The following ZNF474 variants were observed in gnomAD, a reference collection of about 807,000 sequenced individuals.
ZNF474 encodes zinc finger protein 474.
For missense variants in ZNF474, 511 were observed against 433.8 expected, an observed-to-expected ratio of 1.18 and a Z score of -1.58; for synonymous variants, 192 against 162.2, an observed-to-expected ratio of 1.18 and a Z score of -1.39.
At chr5:122,141,155 ATT>A (rs1430043348) in intron 1 of ZNF474, among the ~76,000 whole-genome samples, 1 of 30,504 alleles carries the variant, frequency 3.3e-5, no homozygotes, top group African/African-American at 5.5e-5. Flanking sequence ...ATTTTATTTT[ATT>A]TTATTTTATT....
At chr5:122,149,115 G>T (rs560987943) in intron 1 of ZNF474, among the ~76,000 whole-genome samples, 1 of 152,090 alleles carries the variant, frequency 6.6e-6, no homozygotes, top group Non-Finnish European at 1.5e-5. Flanking sequence ...TCAAGTACAC[G>T]TGGGCATAAA....
intron 1 of ZNF474, among the ~76,000 whole-genome samples, chr5:122,142,770 A>G (rs1006232123): frequency 2.0e-5 from 3 of 152,170 alleles, no homozygotes; most frequent in African/African-American, 7.2e-5. Flanking sequence ...ATTCACATAG[A>G]AGGATGAGAG....
rs533290881 is a variant in ZNF474, at chr5:122,152,304, G to A, written c.314G>A (p.Gly105Glu). 13 of 1,614,160 alleles carry A rather than the reference G, an allele frequency of 8.1e-6. No homozygotes were observed. Among genetic ancestry groups the A allele is most frequent in the Non-Finnish European group, 1.1e-5 (13 of 1,180,040 alleles). ...TGCTATATCTGTGGCCGAGAATTTG[G>A]GTCCCAGTCAATTGCCATTCATGAA... is the stretch of plus-strand genomic sequence containing the variant. ...RVCYICGREFGSQSIAIHEPQ... is the reference protein window; with the variant it reads ...RVCYICGREFESQSIAIHEPQ... The change falls in exon 2 of 2, where the codon GGG becomes GAG. Residue 105 changes from glycine (G) to glutamate (E), a missense_variant. Coordinates refer to ENST00000296600, the MANE Select transcript of ZNF474 (RefSeq NM_207317.3).
At position 122,151,907 on chromosome 5, in the gene ZNF474, C is replaced by A. The variant is rs947090603; in HGVS notation, c.-84C>A. ...CGGTGTGAACCCCAGGACAACTAAC[C>A]TCACTAACCTTCACTCTAAGCAGAA... On this transcript the variant is annotated 5_prime_UTR_variant, in exon 2 of 2. Coordinates refer to ENST00000296600, the MANE Select transcript of ZNF474 (RefSeq NM_207317.3). The A allele has an allele frequency of 2.0e-6, 3 of 1,505,440 alleles. No individual in the cohort carries two copies. The highest frequency in any genetic ancestry group is 1.4e-5 in the South Asian group (1 of 73,676). 93.3% of individuals were successfully genotyped at this position (1,505,440 alleles called of 1,614,324 possible). A position where few individuals can be genotyped will look rare whatever the true frequency, so the allele number is the denominator to read the frequency against.
chr5:122,146,857 G>C (rs570278230), intron 1 of ZNF474, among the ~76,000 whole-genome samples: 1 of 152,222 alleles, frequency 6.6e-6, no homozygotes, highest in South Asian at 2.1e-4. Flanking sequence ...ATCCATCTTC[G>C]AAGCATCAGT....
chr5:122,143,514 A>G (rs1406797789), intron 1 of ZNF474, among the ~76,000 whole-genome samples: 1 of 152,202 alleles, frequency 6.6e-6, no homozygotes, highest in East Asian at 1.9e-4. Context: ...AAACCATAAT[A>G]TATCAATTTT....
At chr5:122,141,453 C>T (rs1362176796) in intron 1 of ZNF474, among the ~76,000 whole-genome samples, 2 of 151,910 alleles carry the variant, frequency 1.3e-5, no homozygotes, top group Admixed American at 1.3e-4. Flanking sequence ...GGACTACAGG[C>T]ATGTGCCACC....
chr5:122,143,391 G>C (rs967395839), intron 1 of ZNF474, among the ~76,000 whole-genome samples: 1 of 152,174 alleles, frequency 6.6e-6, no homozygotes, highest in Non-Finnish European at 1.5e-5. Flanking sequence ...TGGGAACTCT[G>C]TGCAAGCATA....
intron 1 of ZNF474, among the ~76,000 whole-genome samples, chr5:122,137,446 CAAAAAAAAAAAAAAAAAAA>C (rs1166694085): frequency 2.6e-4 from 3 of 11,614 alleles, no homozygotes; most frequent in Non-Finnish European, 5.0e-4. Flanking sequence ...GACTCTGTCT[CAAAAAAAAAAAAAAAAAAA>C]AAAAAAAAAA....
intron 1 of ZNF474, among the ~76,000 whole-genome samples, chr5:122,133,714 C>A (rs1403316901): frequency 6.6e-6 from 1 of 152,092 alleles, no homozygotes; most frequent in African/African-American, 2.4e-5. Flanking sequence ...TGTGCACCAC[C>A]ATGCCTGGCT....
chr5:122,152,857 TTGTAGCCGAATCTTTACC>T lies in ZNF474; in HGVS notation c.869_886del (p.Cys290_Thr295del), dbSNP rs761737874. The T allele has an allele frequency of 8.7e-6, 14 of 1,614,040 alleles. No individual in the cohort carries two copies. The highest frequency in any genetic ancestry group is 4.5e-5 in the East Asian group (2 of 44,882). On this transcript the variant is annotated inframe_deletion, in exon 2 of 2. Transcript: ENST00000296600. Reference sequence around the variant, plus strand: ...AAGCTCAGCTTGTGTTCTGCCCACATTGTAGCCGAATCTTTACCTCAGACCGCCTCCTGGTACACCAGA... The same window carrying T: ...AAGCTCAGCTTGTGTTCTGCCCACATTCAGACCGCCTCCTGGTACACCAGA...
At chr5:122,130,475 A>G (rs1755550396) in intron 1 of ZNF474, among the ~76,000 whole-genome samples, 1 of 152,144 alleles carries the variant, frequency 6.6e-6, no homozygotes, top group Non-Finnish European at 1.5e-5. Flanking sequence ...GGCTCAGCAG[A>G]ATGTTTTTTC....
chr5:122,152,287 CTGTGG>C lies in ZNF474; in HGVS notation c.298_302del (p.Cys100ProfsTer12). 6.2e-7 allele frequency: 1 copy of C among 1,614,222 alleles called. No individual in the cohort carries two copies. Among genetic ancestry groups the C allele is most frequent in the South Asian group, 1.1e-5 (1 of 91,082 alleles). ...GGCCTGGATTCCGGGTATGCTATAT[CTGTGG>C]CCGAGAATTTGGGTCCCAGTCAATT... On this transcript the variant is annotated frameshift_variant, in exon 2 of 2. Coordinates refer to ENST00000296600, the MANE Select transcript of ZNF474 (RefSeq NM_207317.3). LOFTEE classifies it low-confidence loss of function (END_TRUNC).
intron 1 of ZNF474, among the ~76,000 whole-genome samples, chr5:122,137,982 C>T (rs201067527): frequency 1.3e-5 from 2 of 152,086 alleles, no homozygotes; most frequent in Non-Finnish European, 2.9e-5. Context: ...TGAGTGCAGG[C>T]AAAACAGCCA....
In ZNF474 at chr5:122,134,342, T is replaced by A. The variant is rs534759936; in HGVS notation, c.-213+4659T>A. 1.8e-3 allele frequency among the ~76,000 whole-genome samples: 271 copies of A among 152,122 alleles called. 1 individual carries two copies. Among genetic ancestry groups the A allele is most frequent in the Non-Finnish European group, 3.4e-3 (231 of 67,982 alleles). ...AGACTCTAACAGGAGCCTTATGGAG[T>A]TCTGTGCAGACAGCACTTAGTAGGA... On this transcript the variant is annotated intron_variant, in intron 1 of 1. Coordinates refer to ENST00000296600, the MANE Select transcript of ZNF474 (RefSeq NM_207317.3).
intron 1 of ZNF474, among the ~76,000 whole-genome samples, chr5:122,131,609 G>A (rs1755579731): frequency 6.6e-6 from 1 of 151,928 alleles, no homozygotes; most frequent in Non-Finnish European, 1.5e-5. Context: ...AAAAAAAGAA[G>A]CCTGCACAAG....
intron 1 of ZNF474, among the ~76,000 whole-genome samples, chr5:122,130,211 A>G (rs1755545309): frequency 6.6e-6 from 1 of 152,132 alleles, no homozygotes; most frequent in African/African-American, 2.4e-5. Context: ...ATTGTAACCA[A>G]TCTTGAGTTC....
rs1755733659 is a variant in ZNF474 at position 122,137,546 on chromosome 5, A to T, written c.-213+7863A>T. 2.6e-5 allele frequency among the ~76,000 whole-genome samples: 4 copies of T among 151,792 alleles called. No individual in the cohort carries two copies. In the South Asian group the frequency reaches 8.3e-4, roughly 32 times the overall value. ...CCTGAAGGATAAAATAAGAAAGCTA[A>T]GCAAAGAACTGGAGGAAGATTCTAG... On this transcript the variant is annotated intron_variant, in intron 1 of 1. Coordinates refer to ENST00000296600, the MANE Select transcript of ZNF474 (RefSeq NM_207317.3).
rs1164130387 is a variant in ZNF474 at position 122,152,263 on chromosome 5, G to A, written c.273G>A (p.Arg91=). The A allele has an allele frequency of 1.2e-6, 2 of 1,614,080 alleles. No homozygotes were observed. The highest frequency in any genetic ancestry group is 1.3e-5 in the African/African-American group (1 of 74,932). The change falls in exon 2 of 2, where the codon AGG becomes AGA. Residue 91 remains arginine, a synonymous_variant. Coordinates refer to ENST00000296600, the MANE Select transcript of ZNF474 (RefSeq NM_207317.3). The part of the protein sequence containing the change: ...QLSPPVIPAR[R]PGFRVCYICG... The stretch of plus-strand genomic sequence containing the variant: ...GCCCCCCTGTGATCCCGGCCCGCAG[G>A]CCTGGATTCCGGGTATGCTATATCT...
Sources: gnomAD v4.1 joint callset for allele counts (sites outside exome capture counted in the v4.1 genomes callset) on GRCh38, gnomAD v4.1.1 for gene constraint, MANE v1.5 for transcripts, NCBI Gene and HGNC (gene_info 2026-07-23, HGNC 2026-07-21) for gene names.